Variants in PKN2 observed in about 807,000 individuals in gnomAD.
PKN2 encodes protein kinase N2.
In PKN2, 38 loss-of-function variants were observed where a neutral mutation model predicts 119.1. The observed-to-expected ratio is 0.32, with a 90% CI of 0.25 to 0.42. The LOEUF (loss-of-function observed/expected upper bound fraction) is 0.42, where lower values mean the gene tolerates loss of function less well. PKN2 is among the 10% of genes least tolerant of loss of function. PKN2 has a pLI of 1.00. For missense variants in PKN2, 850 were observed against 1,165.1 expected, an observed-to-expected ratio of 0.73 and a Z score of 3.94; for synonymous variants, 390 against 384.9, an observed-to-expected ratio of 1.01 and a Z score of -0.15.
At chr1:88,747,379 T>C (rs1027010622) in intron 2 of PKN2, among the ~76,000 whole-genome samples, 1 of 152,154 alleles carries the variant, frequency 6.6e-6, no homozygotes, top group African/African-American at 2.4e-5. Context: ...AATATATAAT[T>C]TGTTTGATTA....
intron 8 of PKN2, 86 bp from the exon 9 acceptor site, chr1:88,804,305 T>G: frequency 9.5e-7 from 1 of 1,057,980 alleles, no homozygotes; most frequent in Non-Finnish European, 1.4e-6. Flanking sequence ...TGTATTTGTA[T>G]TTCATATTTT....
intron 2 of PKN2, among the ~76,000 whole-genome samples, chr1:88,754,201 G>A (rs1197487921): frequency 2.6e-5 from 4 of 151,828 alleles, no homozygotes; most frequent in South Asian, 2.1e-4. Context: ...ATTTTCTTCC[G>A]AAACACCGTA....
rs1669211549 is a variant in PKN2 at position 88,756,562 on chromosome 1, G to C, written c.350-3660G>C. Among the ~76,000 whole-genome samples the C allele has an allele frequency of 6.6e-5, 10 of 152,160 alleles. 1 individual carries two copies. The South Asian group carries it at 2.1e-3, about 32-fold the overall frequency. On this transcript the variant is annotated intron_variant, in intron 2 of 21. Coordinates refer to ENST00000370521, the MANE Select transcript of PKN2 (RefSeq NM_006256.4). Reference sequence around the variant, plus strand: ...CACATTTTCATACTCTTCTCAACTAGGGGCCTTCTATTCTGAATGCATTCC... The same window carrying C: ...CACATTTTCATACTCTTCTCAACTACGGGCCTTCTATTCTGAATGCATTCC...
At chr1:88,687,460 C>T (rs770626142) in intron 1 of PKN2, among the ~76,000 whole-genome samples, 5 of 151,934 alleles carry the variant, frequency 3.3e-5, no homozygotes, top group Non-Finnish European at 7.4e-5. Flanking sequence ...TTTGCAATGC[C>T]AAAGAAACTA....
chr1:88,817,430 G>A (rs1295179706), intron 16 of PKN2, among the ~76,000 whole-genome samples: 8 of 144,396 alleles, frequency 5.5e-5, no homozygotes, highest in Admixed American at 2.8e-4. Context: ...AAAAAAGGCC[G>A]GGTGAGGTGG....
At chr1:88,820,047 C>T (rs774797129) in intron 16 of PKN2, among the ~76,000 whole-genome samples, 2 of 151,478 alleles carry the variant, frequency 1.3e-5, no homozygotes, top group East Asian at 1.9e-4. Flanking sequence ...ATGTAGATGA[C>T]GGGTTGATGG....
chr1:88,825,500 C>CA (rs1672465390), intron 18 of PKN2, among the ~76,000 whole-genome samples: 2 of 152,180 alleles, frequency 1.3e-5, no homozygotes, highest in South Asian at 4.1e-4. Context: ...ACAATCCCCT[C>CA]AGCCTTCAAT....
rs1407674218 is a variant in PKN2 at position 88,684,464 on chromosome 1, G to A, written c.-117G>A. The A allele has an allele frequency of 4.6e-6, 4 of 860,420 alleles. No individual in the cohort carries two copies. In the African/African-American group the frequency reaches 7.4e-5, roughly 16 times the overall value. 53.3% of individuals were successfully genotyped at this position (860,420 alleles called of 1,614,324 possible). On this transcript the variant is annotated 5_prime_UTR_variant, in exon 1 of 22. An upstream open reading frame in the 5' UTR loses its in-frame stop. Transcript: ENST00000370521. ...GGGGCTGCGCCTCCATGAATCCCTA[G>A]TTGTTTTTTTTTTTTTCTTTCTCTC...
chr1:88,684,873 C>T, intron 1 of PKN2: 1 of 449,882 alleles, frequency 2.2e-6, no homozygotes, highest in Non-Finnish European at 3.9e-6. Context: ...CCAGAGGGGA[C>T]CCCATCTCTG....
chr1:88,716,126 G>A (rs1667439426), intron 1 of PKN2, among the ~76,000 whole-genome samples: 1 of 152,182 alleles, frequency 6.6e-6, no homozygotes, highest in Non-Finnish European at 1.5e-5. Context: ...TTAATCCTGA[G>A]TTCTAATCTG....
In PKN2 at chr1:88,770,353, A is replaced by C; in HGVS notation, c.506A>C (p.Asp169Ala). 1 of 1,586,466 alleles carries C rather than the reference A, an allele frequency of 6.3e-7. No homozygotes were observed. Among genetic ancestry groups the C allele is most frequent in the Non-Finnish European group, 8.6e-7 (1 of 1,157,892 alleles). The change falls in exon 4 of 22, where the codon GAT (aspartate) becomes GCT (alanine). Residue 169 changes from aspartate to alanine, a missense_variant and splice_region_variant. Asp to Ala is a moderately radical substitution (Grantham distance 126). Coordinates refer to ENST00000370521, the MANE Select transcript of PKN2 (RefSeq NM_006256.4). ...TTTTCAAACTTATTTTTTTAATAGG[A>C]TCGGAAACTCCATGGTACAGCTCAG... ...IQMYSNGSSK[D>A]RKLHGTAQQL... is the part of the protein sequence containing the mutation.
At chr1:88,822,548 T>C (rs1204031198) in intron 17 of PKN2, among the ~76,000 whole-genome samples, 3 of 152,014 alleles carry the variant, frequency 2.0e-5, no homozygotes, top group Non-Finnish European at 4.4e-5. Context: ...CTAGTCAGAA[T>C]TAGAAGACTA....
At chr1:88,759,122 T>C (rs1019196323) in intron 2 of PKN2, among the ~76,000 whole-genome samples, 13 of 152,202 alleles carry the variant, frequency 8.5e-5, no homozygotes, top group African/African-American at 3.1e-4. Flanking sequence ...CCCAGCACTT[T>C]GGGAGGCCAA....
intron 3 of PKN2, among the ~76,000 whole-genome samples, chr1:88,766,682 A>G (rs1260276201): frequency 6.6e-6 from 1 of 152,170 alleles, no homozygotes; most frequent in African/African-American, 2.4e-5. Flanking sequence ...CAAAATTTGT[A>G]TTAACATAAA....
chr1:88,812,009 T>C (rs1671800171), intron 15 of PKN2, among the ~76,000 whole-genome samples: 2 of 152,264 alleles, frequency 1.3e-5, no homozygotes, highest in African/African-American at 4.8e-5. Context: ...GATGACAATT[T>C]AGAGGGAAAT....
chr1:88,717,952 A>C (rs949357840), intron 1 of PKN2, among the ~76,000 whole-genome samples: 5 of 152,076 alleles, frequency 3.3e-5, no homozygotes, highest in African/African-American at 1.2e-4. Flanking sequence ...TTGGTCTTTG[A>C]TGATGGTGAC....
chr1:88,742,955 C>T (rs1668633432), intron 2 of PKN2, among the ~76,000 whole-genome samples: 1 of 152,144 alleles, frequency 6.6e-6, no homozygotes, highest in African/African-American at 2.4e-5. Flanking sequence ...CTTTGGGAGG[C>T]CAAGGCAGGC....
chr1:88,736,631 T>G (rs893919299), intron 1 of PKN2, among the ~76,000 whole-genome samples: 1 of 152,176 alleles, frequency 6.6e-6, no homozygotes, highest in Non-Finnish European at 1.5e-5. Context: ...TCCCAGTTGT[T>G]GGCGTGAGCC....
intron 16 of PKN2, 42 bp downstream of exon 16, chr1:88,813,775 G>T: frequency 7.0e-7 from 1 of 1,435,664 alleles, no homozygotes; most frequent in South Asian, 1.4e-5. Flanking sequence ...TTCCATGACT[G>T]ATTTCATTCT....
Sources: allele counts gnomAD v4.1 joint callset (sites outside exome capture counted in the v4.1 genomes callset), GRCh38; gene constraint gnomAD v4.1.1; transcripts MANE v1.5; gene names NCBI Gene and HGNC (gene_info 2026-07-23, HGNC 2026-07-21).